Variants in DBX2 observed in about 807,000 individuals in gnomAD.
The protein encoded by DBX2 is developing brain homeobox 2.
Under a neutral mutation model 17.7 loss-of-function variants are expected in DBX2, and 16 were observed. The observed-to-expected ratio is 0.90, with a 90% CI of 0.61 to 1.37. DBX2 has a LOEUF of 1.37. Ranked by LOEUF, DBX2 falls within the 40% of genes most tolerant of loss-of-function variation. The pLI is 0.00. For missense variants in DBX2, 538 were observed against 433.8 expected, an observed-to-expected ratio of 1.24 and a Z score of -2.13; for synonymous variants, 255 against 183.8, an observed-to-expected ratio of 1.39 and a Z score of -3.13.
At chr12:45,041,134 TAATTA>T (rs1276263307) in intron 1 of DBX2, among the ~76,000 whole-genome samples, 1 of 147,866 alleles carries the variant, frequency 6.8e-6, no homozygotes, top group African/African-American at 2.5e-5. Context: ...ATTAATAAAT[TAATTA>T]AAACTAATCA....
At chr12:45,031,031 G>C (rs1946406301) in intron 2 of DBX2, among the ~76,000 whole-genome samples, 1 of 152,096 alleles carries the variant, frequency 6.6e-6, no homozygotes, top group Non-Finnish European at 1.5e-5. Context: ...TTGAGTCTGT[G>C]TCTCTCCCTC....
chr12:45,044,273 T>C (rs1055385236), intron 1 of DBX2, among the ~76,000 whole-genome samples: 1 of 152,158 alleles, frequency 6.6e-6, no homozygotes, highest in African/African-American at 2.4e-5. Context: ...ACTTGTTCAA[T>C]AGACCTAAAC....
intron 2 of DBX2, among the ~76,000 whole-genome samples, chr12:45,032,905 T>G (rs1011703443): frequency 1.3e-5 from 2 of 152,254 alleles, no homozygotes; most frequent in Admixed American, 6.5e-5. Flanking sequence ...ATTTACATAA[T>G]TTCCACAACT....
intron 1 of DBX2, among the ~76,000 whole-genome samples, chr12:45,041,064 C>G (rs1946468532): frequency 6.8e-6 from 1 of 146,706 alleles, no homozygotes; most frequent in Admixed American, 6.8e-5. Flanking sequence ...AAAAAAAAAC[C>G]TCTAGGAAAG....
chr12:45,050,911 A>G lies in DBX2; in HGVS notation c.17T>C (p.Val6Ala). 2 of 1,505,836 alleles carry G rather than the reference A, an allele frequency of 1.3e-6. No homozygotes were observed. The highest frequency in any genetic ancestry group is 1.8e-6 in the Non-Finnish European group (2 of 1,128,592). 93.3% of individuals were successfully genotyped at this position (1,505,836 alleles called of 1,614,324 possible). ...CCAGTACGCACCGGCGTGGGCTGCG[A>G]CCGCGCTGGGGAGCATAGTGCGGCG... MLPSAVAAHAGAYWDV... is the reference protein window; with the variant it reads MLPSAAAAHAGAYWDV... The change falls in exon 1 of 4, where the codon GTC becomes GCC. Residue 6 changes from valine (V) to alanine (A), a missense_variant. Val to Ala is a moderately conservative substitution (Grantham distance 64, BLOSUM62 0). Transcript: ENST00000332700.
In DBX2 at chr12:45,051,077, G is replaced by T. The variant is rs1355701949; in HGVS notation, c.-150C>A. 11 of 850,744 alleles carry T rather than the reference G, an allele frequency of 1.3e-5. No homozygotes were observed. Among genetic ancestry groups the T allele is most frequent in the Non-Finnish European group, 1.7e-5 (11 of 631,238 alleles). The allele number at this position is 850,744 out of a possible 1,614,324, so 52.7% of individuals were successfully genotyped here. A position where few individuals can be genotyped will look rare whatever the true frequency, so the allele number is the denominator to read the frequency against. On this transcript the variant is annotated 5_prime_UTR_variant, in exon 1 of 4. Transcript: ENST00000332700. ...CAGGCAGGGAGGAAAGGCCACCCGG[G>T]ACGGCGGCGGACTTGGAACGATATT...
rs1377897653 is a variant in DBX2, at chr12:45,031,225, T to TGTGTGTGTGTGAGAGAGA, written c.499+4793_499+4794insTCTCTCTCACACACACAC. ...GTGTGTGTGTGTGTGTGTGTGTGTG[T>TGTGTGTGTGTGAGAGAGA]GAGAGAGAGAGAGAGAGAGAGAGAG... is the stretch of plus-strand genomic sequence containing the variant. On this transcript the variant is annotated intron_variant, in intron 2 of 3. Transcript: ENST00000332700. 2.9e-3 allele frequency among the ~76,000 whole-genome samples: 248 copies of TGTGTGTGTGTGAGAGAGA among 85,602 alleles called. 7 individuals are homozygous for TGTGTGTGTGTGAGAGAGA. In the East Asian group the frequency reaches 0.063, roughly 22 times the overall value. The allele number at this position is 85,602 out of a possible 152,430, so 56.2% of individuals were successfully genotyped here.
chr12:45,038,555 A>G (rs889909835), intron 1 of DBX2, among the ~76,000 whole-genome samples: 1 of 151,474 alleles, frequency 6.6e-6, no homozygotes, highest in Non-Finnish European at 1.5e-5. Flanking sequence ...ATACATATAT[A>G]TATTACAAAT....
chr12:45,049,956 T>C (rs1440620972), intron 1 of DBX2, among the ~76,000 whole-genome samples: 2 of 152,112 alleles, frequency 1.3e-5, no homozygotes, highest in East Asian at 3.9e-4. Context: ...TCTTTGCGCC[T>C]AAAGTGATCC....
chr12:45,050,420 C>G, intron 1 of DBX2, 105 bp downstream of exon 1: 1 of 1,427,506 alleles, frequency 7.0e-7, no homozygotes, highest in Non-Finnish European at 9.3e-7. Flanking sequence ...GTTCCCAAAC[C>G]GGCTCTCCCT....
Position 45,016,589 on chromosome 12 carries a change from C to T in DBX2, c.717G>A (p.Met239Ile), listed in dbSNP as rs1946325136. Residue 239 changes from methionine (M) to isoleucine (I), a missense_variant, in exon 4 of 4, where the codon ATG becomes ATA. Physicochemically the swap from Met to Ile is conservative, Grantham distance 10 (BLOSUM62 1). Transcript: ENST00000332700. ...QVKIWFQNRRMKWRNSKEKEV... is the reference protein window; with the variant it reads ...QVKIWFQNRRIKWRNSKEKEV... The stretch of plus-strand genomic sequence containing the variant: ...CCTTTTCTTTGGAATTCCGCCATTT[C>T]ATCCTCCTGTTCTGAAACCAAATTT... 2 of 1,548,970 alleles carry T rather than the reference C, an allele frequency of 1.3e-6. No individual in the cohort carries two copies. The highest frequency in any genetic ancestry group is 1.7e-4 in the Middle Eastern group (1 of 5,768).
At chr12:45,040,395 C>T (rs114732991) in intron 1 of DBX2, among the ~76,000 whole-genome samples, 1,855 of 152,062 alleles carry the variant, frequency 0.012, 45 homozygotes, top group African/African-American at 0.042. Context: ...CCTATATATC[C>T]TATTAGTTCT....
intron 1 of DBX2, 26 bp downstream of exon 1, chr12:45,050,499 G>A (rs755709335): frequency 1.3e-6 from 2 of 1,544,246 alleles, no homozygotes; most frequent in Admixed American, 2.0e-5. Flanking sequence ...GGGCGCGGCT[G>A]GGGAGGGAGG....
rs1334551033 is a variant in DBX2 at position 45,044,552 on chromosome 12, A to G, written c.403+5973T>C. ...TTATGGCATGGTCCCTGAACACGTG[A>G]AAGAAAAGTGAAAAATCTAGTCATC... On this transcript the variant is annotated intron_variant, in intron 1 of 3. Coordinates refer to ENST00000332700, the MANE Select transcript of DBX2 (RefSeq NM_001004329.3). Among the ~76,000 whole-genome samples the G allele has an allele frequency of 3.3e-5, 5 of 152,172 alleles. No homozygotes were observed. The East Asian group carries it at 9.6e-4, about 29-fold the overall frequency.
chr12:45,036,220 A>C lies in DBX2; in HGVS notation c.404-106T>G, dbSNP rs1009458720. ...AGTAAATACTTTGCTTAGTTTTTTA[A>C]TTTGTATTGAAATTAAAGTTATTAT... On this transcript the variant is annotated intron_variant, in intron 1 of 3. Transcript: ENST00000332700. 3 of 997,668 alleles carry C rather than the reference A, an allele frequency of 3.0e-6. No homozygotes were observed. In the African/African-American group the frequency reaches 5.0e-5, roughly 17 times the overall value. 61.8% of individuals were successfully genotyped at this position (997,668 alleles called of 1,614,324 possible).
At position 45,050,720 on chromosome 12, in the gene DBX2, C is replaced by T. The variant is rs771208101; in HGVS notation, c.208G>A (p.Gly70Ser). The T allele has an allele frequency of 1.3e-6, 2 of 1,491,590 alleles. No individual in the cohort carries two copies. Among genetic ancestry groups the T allele is most frequent in the South Asian group, 1.3e-5 (1 of 76,512 alleles). 92.4% of individuals were successfully genotyped at this position (1,491,590 alleles called of 1,614,324 possible). A position where few individuals can be genotyped will look rare whatever the true frequency, so the allele number is the denominator to read the frequency against. ...HDPATALATA[G>S]AQLRPLPASP... The stretch of plus-strand genomic sequence containing the variant: ...GCAGGCAGGGGCCGGAGCTGCGCGC[C>T]CGCGGTGGCCAGGGCGGTCGCCGGG... Residue 70 changes from glycine to serine, a missense_variant, in exon 1 of 4, where the codon GGC becomes AGC. Gly to Ser is a moderately conservative substitution (Grantham distance 56). Transcript: ENST00000332700.
At position 45,036,624 on chromosome 12, in the gene DBX2, C is replaced by T. The variant is rs1495039; in HGVS notation, c.404-510G>A. 6.9e-3 allele frequency among the ~76,000 whole-genome samples: 1,048 copies of T among 152,234 alleles called. 21 individuals are homozygous for T. The highest frequency in any genetic ancestry group is 0.023 in the African/African-American group (975 of 41,550). ...TATTAAATAGCACAGCTCTAGATAT[C>T]CTACTTACCAAGAAATGATTTAAAT... On this transcript the variant is annotated intron_variant, in intron 1 of 3. Coordinates refer to ENST00000332700, the MANE Select transcript of DBX2 (RefSeq NM_001004329.3).
At chr12:45,047,803 T>C (rs1946507950) in intron 1 of DBX2, among the ~76,000 whole-genome samples, 1 of 152,184 alleles carries the variant, frequency 6.6e-6, no homozygotes, top group African/African-American at 2.4e-5. Context: ...ATTTTTTCTC[T>C]ATCACAAGTT....
chr12:45,027,565 C>T (rs146445481), intron 2 of DBX2, among the ~76,000 whole-genome samples: 21 of 151,794 alleles, frequency 1.4e-4, no homozygotes, highest in African/African-American at 4.1e-4. Flanking sequence ...AAGATGAGGA[C>T]GATGAAGATT....
Sources: allele counts gnomAD v4.1 joint callset (sites outside exome capture counted in the v4.1 genomes callset), GRCh38; gene constraint gnomAD v4.1.1; transcripts MANE v1.5; gene names NCBI Gene and HGNC (gene_info 2026-07-23, HGNC 2026-07-21).